KANK1: variants seen among roughly 807,000 people sequenced by gnomAD.
The protein encoded by KANK1 is KN motif and ankyrin repeat domains 1, also known as KN motif and ankyrin repeat domain-containing protein 1.
Under a neutral mutation model 106.2 loss-of-function variants are expected in KANK1, and 109 were observed. The ratio of observed to expected loss-of-function variants is 1.03; its 90% CI spans 0.88 to 1.20. The LOEUF is 1.20. KANK1 is among the 50% of genes most tolerant of loss of function. The pLI, the probability that KANK1 is intolerant of heterozygous loss-of-function variation, is 0.00. For synonymous variants in KANK1, 873 were observed against 652.2 expected, an observed-to-expected ratio of 1.34 and a Z score of -5.16; for missense variants, 2,399 against 1,710.7, an observed-to-expected ratio of 1.40 and a Z score of -7.10.
Position 712,112 on chromosome 9 carries a change from C to T in KANK1, c.1346C>T (p.Thr449Ile). 2.5e-6 allele frequency: 4 copies of T among 1,614,094 alleles called. No homozygotes were observed. The highest frequency in any genetic ancestry group is 3.4e-6 in the Non-Finnish European group (4 of 1,180,030). Residue 449 changes from threonine (T) to isoleucine (I), a missense_variant, in exon 3 of 12, where the codon ACT (threonine) becomes ATT (isoleucine). Thr to Ile is a moderately conservative substitution (Grantham distance 89). Transcript: ENST00000382297. ...SVTEAMLGVM[T>I]EADKEIELQQ... ...ACAGAGGCCATGCTTGGAGTGATGA[C>T]TGAAGCTGACAAAGAAATTGAGCTG...
chr9:741,563 C>G (rs1267130237), intron 9 of KANK1, among the ~76,000 whole-genome samples: 2 of 150,596 alleles, frequency 1.3e-5, no homozygotes, highest in Non-Finnish European at 2.9e-5. Context: ...TCTTGGCTCA[C>G]TGGAAGCTCT....
At chr9:734,907 T>A in intron 7 of KANK1, 72 bp downstream of exon 7, 1 of 1,095,180 alleles carries the variant, frequency 9.1e-7, no homozygotes, top group Non-Finnish European at 1.4e-6. Flanking sequence ...CAAGGCCAGC[T>A]GTAGGCTGCC....
chr9:501,311 C>T (rs536698892), upstream of KANK1, among the ~76,000 whole-genome samples: 9 of 152,038 alleles, frequency 5.9e-5, no homozygotes, highest in Non-Finnish European at 1.2e-4. Context: ...TTAAAGTGGC[C>T]TCAATAAGGT....
chr9:571,360 C>T (rs763843362), intron 1 of KANK1, among the ~76,000 whole-genome samples: 19 of 152,212 alleles, frequency 1.2e-4, no homozygotes, highest in Non-Finnish European at 2.4e-4. Flanking sequence ...TTTGGCAACA[C>T]GTGTTAATGG....
At chr9:603,141 A>G (rs375966224) in intron 1 of KANK1, among the ~76,000 whole-genome samples, 2 of 151,802 alleles carry the variant, frequency 1.3e-5, no homozygotes, top group African/African-American at 2.4e-5. Context: ...TGAAAGATGA[A>G]TCTTTTTCAA....
At chr9:567,082 C>G (rs550054749) in intron 1 of KANK1, among the ~76,000 whole-genome samples, 2 of 152,178 alleles carry the variant, frequency 1.3e-5, no homozygotes, top group Admixed American at 6.5e-5. Flanking sequence ...TATCACAGCA[C>G]CATTTATTCA....
chr9:601,172 C>T (rs1432408310), intron 1 of KANK1, among the ~76,000 whole-genome samples: 4 of 151,724 alleles, frequency 2.6e-5, no homozygotes, highest in African/African-American at 9.7e-5. Flanking sequence ...TACGGGGCTC[C>T]CATACCCTTC....
At position 713,275 on chromosome 9, in the gene KANK1, C is replaced by G. The variant is rs1826716788; in HGVS notation, c.2509C>G (p.Gln837Glu). 6.2e-7 allele frequency: 1 copy of G among 1,612,958 alleles called. No homozygotes were observed. The highest frequency in any genetic ancestry group is 1.3e-5 in the African/African-American group (1 of 74,906). The change falls in exon 3 of 12, where the codon CAG becomes GAG. Residue 837 changes from glutamine (Q) to glutamate (E), a missense_variant. Transcript: ENST00000382297. ...GCGTATCCAGAAGCTGCTGGCAGAA[C>G]AGCAGACACTGCTGGCTGAGAACTA... Reference protein sequence around the residue: ...IERIQKLLAEQQTLLAENYSE... With the variant: ...IERIQKLLAEEQTLLAENYSE...
rs756237333 is a variant in KANK1 at position 711,181 on chromosome 9, C to T, written c.415C>T (p.Gln139Ter). The T allele has an allele frequency of 6.8e-6, 11 of 1,614,046 alleles. No individual in the cohort carries two copies. Among genetic ancestry groups the T allele is most frequent in the Non-Finnish European group, 9.3e-6 (11 of 1,180,040 alleles). ...LPFLTIPENR[Q>*]LPPPSPQLPK... Reference sequence around the variant, plus strand: ...TTTTCTTACCATCCCAGAAAATCGACAGCTGCCACCTCCCTCACCACAACT... The same window carrying T: ...TTTTCTTACCATCCCAGAAAATCGATAGCTGCCACCTCCCTCACCACAACT... Residue 139 changes from glutamine (Q) to a stop codon, truncating the protein, a stop_gained, in exon 3 of 12, where the codon CAG becomes TAG. Coordinates refer to ENST00000382297, the MANE Select transcript of KANK1 (RefSeq NM_015158.5). LOFTEE classifies it high-confidence loss of function.
At chr9:491,694 T>C (rs2058379785) in intron 3 of KANK1, among the ~76,000 whole-genome samples, 1 of 152,164 alleles carries the variant, frequency 6.6e-6, no homozygotes, top group Non-Finnish European at 1.5e-5. Flanking sequence ...ACAAATCACC[T>C]AAAGCAGGAG....
At chr9:707,222 G>T (rs929423788) in intron 2 of KANK1, 3 of 986,258 alleles carry the variant, frequency 3.0e-6, no homozygotes, top group African/African-American at 1.7e-5. Flanking sequence ...GCGCGGGCTG[G>T]CGGGGAGCGC....
chr9:653,535 G>A (rs1051982812), intron 1 of KANK1, among the ~76,000 whole-genome samples: 1 of 152,090 alleles, frequency 6.6e-6, no homozygotes, highest in African/African-American at 2.4e-5. Flanking sequence ...GCCTCTTTTG[G>A]ATATTTAATA....
In KANK1 at chr9:527,694, CT is replaced by C. The variant is rs748198713; in HGVS notation, c.-84+22954del. Among the ~76,000 whole-genome samples, 1,401 of 141,024 alleles carry C rather than the reference CT, an allele frequency of 9.9e-3. 46 individuals carry two copies. The highest frequency in any genetic ancestry group is 0.03 in the African/African-American group (1,154 of 37,980). 92.5% of individuals were successfully genotyped at this position (141,024 alleles called of 152,430 possible). A position where few individuals can be genotyped will look rare whatever the true frequency, so the allele number is the denominator to read the frequency against. On this transcript the variant is annotated intron_variant, in intron 1 of 11. Coordinates refer to ENST00000382297, the MANE Select transcript of KANK1 (RefSeq NM_015158.5). ...TTGAGATTTGGCATATCTAAATTGT[CT>C]TTTTTTTTTTTTTCTTTTACCTTCA...
intron 2 of KANK1, among the ~76,000 whole-genome samples, chr9:679,424 T>A (rs546954629): frequency 3.5e-3 from 533 of 151,020 alleles, no homozygotes; most frequent in Non-Finnish European, 5.0e-3. Context: ...AAAAAAAAAA[T>A]TTTTTTTTGA....
At chr9:622,150 C>T (rs1365376660) in intron 1 of KANK1, among the ~76,000 whole-genome samples, 2 of 152,144 alleles carry the variant, frequency 1.3e-5, no homozygotes, top group African/African-American at 4.8e-5. Flanking sequence ...GGTCTAATTT[C>T]GGTCAGTAGA....
chr9:731,147 CT>C lies in KANK1; in HGVS notation c.2897-6del, dbSNP rs1176550443. ...TGAGTTTTCATTTTTATTGCCTTGA[CT>C]TTTTCACAGCATGTACAAACAATGA... On this transcript the variant is annotated splice_polypyrimidine_tract_variant and intron_variant, in intron 4 of 11. Transcript: ENST00000382297. The C allele has an allele frequency of 1.9e-5, 30 of 1,542,710 alleles. No homozygotes were observed. Among genetic ancestry groups the C allele is most frequent in the Non-Finnish European group, 2.7e-5 (30 of 1,119,444 alleles).
intron 9 of KANK1, among the ~76,000 whole-genome samples, chr9:741,324 A>C (rs1388318268): frequency 7.7e-6 from 1 of 129,716 alleles, no homozygotes; most frequent in South Asian, 2.7e-4. Context: ...TCACAGCTTG[A>C]CTTTTTTTTT....
At chr9:541,608 A>C (rs72689613) in intron 1 of KANK1, among the ~76,000 whole-genome samples, 8,719 of 152,248 alleles carry the variant, frequency 0.057, 295 homozygotes, top group African/African-American at 0.087. Flanking sequence ...AAGCAAACAT[A>C]GACAAATGGG....
At chr9:689,380 A>G (rs55659637) in intron 2 of KANK1, among the ~76,000 whole-genome samples, 1 of 152,174 alleles carries the variant, frequency 6.6e-6, no homozygotes, top group Admixed American at 6.5e-5. Flanking sequence ...CTCTCCTGAC[A>G]AGAATCAGAC....
Sources: allele counts gnomAD v4.1 joint callset (sites outside exome capture counted in the v4.1 genomes callset), GRCh38; gene constraint gnomAD v4.1.1; transcripts MANE v1.5; gene names NCBI Gene and HGNC (gene_info 2026-07-23, HGNC 2026-07-21).